Variants in ANKRD36C observed in about 807,000 individuals in gnomAD.
ANKRD36C encodes ankyrin repeat domain 36C.
Under a neutral mutation model 276.4 loss-of-function variants are expected in ANKRD36C, and 61 were observed. That is an observed-to-expected ratio of 0.22 (90% CI 0.18 to 0.27). The LOEUF is 0.27. Among genes scored for constraint, ANKRD36C ranks in the 10% least tolerant of loss-of-function variants. The probability of loss-of-function intolerance (pLI) is 1.00; values close to 1 mark genes in which losing one functional copy is unlikely to be tolerated. For synonymous variants in ANKRD36C, 483 were observed against 680.1 expected (o/e 0.71, Z 4.51); for missense variants, 1,447 against 2,032.3 (o/e 0.71, Z 5.54).
chr2:95,908,103 G>T (rs1435128890), intron 42 of ANKRD36C, among the ~76,000 whole-genome samples: 2 of 150,620 alleles, frequency 1.3e-5, no homozygotes, highest in African/African-American at 2.4e-5. Context: ...TCCTAACAGT[G>T]TCTACGGGTT....
Position 95,986,940 on chromosome 2 carries a change from C to T in ANKRD36C, c.313-16G>A, listed in dbSNP as rs1421084177. The T allele has an allele frequency of 6.2e-7, 1 of 1,612,740 alleles. No individual in the cohort carries two copies. On this transcript the variant is annotated splice_polypyrimidine_tract_variant and intron_variant, in intron 2 of 66. Coordinates refer to ENST00000456556, the Ensembl canonical transcript of ANKRD36C. ...GTTGTACAGCCTGTCAGTATTAGACCGAGAAACATGCAAATATTGAAAAAT... is the reference window on the plus strand; with the variant it reads ...GTTGTACAGCCTGTCAGTATTAGACTGAGAAACATGCAAATATTGAAAAAT...
intron 60 of ANKRD36C, among the ~76,000 whole-genome samples, chr2:95,864,142 A>G (rs1238231663): frequency 1.2e-4 from 18 of 151,980 alleles, no homozygotes; most frequent in African/African-American, 4.1e-4. Flanking sequence ...TCTAAAAATA[A>G]AAGTCTTTAT....
At chr2:95,882,278 A>G (rs1205784942) in intron 56 of ANKRD36C, 24 bp downstream of exon 76, 12 of 1,548,552 alleles carry the variant, frequency 7.7e-6, no homozygotes, top group Non-Finnish European at 1.0e-5. Context: ...TGCACATGAC[A>G]TTAAATGTAT....
At chr2:95,983,656 G>C (rs1678968871) in intron 3 of ANKRD36C, among the ~76,000 whole-genome samples, 1 of 151,468 alleles carries the variant, frequency 6.6e-6, no homozygotes, top group Non-Finnish European at 1.5e-5. Context: ...TGTCGCCCAG[G>C]CTGGAGTGCA....
intron 10 of ANKRD36C, among the ~76,000 whole-genome samples, chr2:95,959,831 T>C (rs971255361): frequency 6.6e-6 from 1 of 152,164 alleles, no homozygotes; most frequent in African/African-American, 2.4e-5. Flanking sequence ...CAGGTGACTG[T>C]GGTTCATCAC....
intron 16 of ANKRD36C, among the ~76,000 whole-genome samples, chr2:95,949,844 C>T (rs112122566): frequency 0.065 from 6,653 of 102,904 alleles, no homozygotes; most frequent in South Asian, 0.11. Flanking sequence ...TTCTATGCAC[C>T]TCTGATTTTG....
intron 3 of ANKRD36C, chr2:95,986,510 T>C (rs1396644575): frequency 2.1e-5 from 10 of 480,804 alleles, no homozygotes; most frequent in Non-Finnish European, 3.1e-5. Context: ...AATTCCAAAT[T>C]TATTGTAATT....
intron 46 of ANKRD36C, among the ~76,000 whole-genome samples, chr2:95,890,865 C>T (rs543949278): frequency 6.6e-6 from 1 of 151,508 alleles, no homozygotes; most frequent in South Asian, 2.1e-4. Flanking sequence ...CCATGTTATT[C>T]TTTAAAGAAG....
At chr2:95,851,251 T>G in intron 66 of ANKRD36C, 56 bp from the exon 87 acceptor site, 2 of 1,206,830 alleles carry the variant, frequency 1.7e-6, no homozygotes, top group Non-Finnish European at 2.4e-6. Flanking sequence ...GACATTATCA[T>G]GTAAACCCAC....
At chr2:95,911,624 A>C (rs1375080140) in intron 42 of ANKRD36C, among the ~76,000 whole-genome samples, 1 of 151,348 alleles carries the variant, frequency 6.6e-6, no homozygotes, top group Admixed American at 6.6e-5. Context: ...ATGCCAATTC[A>C]AACACTGTTT....
intron 48 of ANKRD36C, 36 bp from the exon 69 acceptor site, chr2:95,888,156 T>G: frequency 1.9e-6 from 3 of 1,606,992 alleles, no homozygotes; most frequent in Non-Finnish European, 1.7e-6. Context: ...CACTCATATG[T>G]AAATATGATA....
At chr2:95,950,190 G>A (rs1678161519) in intron 16 of ANKRD36C, among the ~76,000 whole-genome samples, 4 of 152,302 alleles carry the variant, frequency 2.6e-5, no homozygotes. Flanking sequence ...GGACTGGCCT[G>A]GTCTTGCTTA....
At chr2:95,886,982 C>A (rs1177752458) in intron 50 of ANKRD36C, among the ~76,000 whole-genome samples, 1 of 151,494 alleles carries the variant, frequency 6.6e-6, no homozygotes, top group Non-Finnish European at 1.5e-5. Context: ...AAAACTGCTA[C>A]AAGTATTGGA....
chr2:95,929,591 T>A (rs1304058357), intron 24 of ANKRD36C, among the ~76,000 whole-genome samples: 1 of 151,348 alleles, frequency 6.6e-6, no homozygotes, highest in Non-Finnish European at 1.5e-5. Flanking sequence ...AAAATCAGAG[T>A]CCAACTCATA....
At chr2:95,850,683 C>T (rs2950718), downstream of ANKRD36C, among the ~76,000 whole-genome samples, 39 of 152,224 alleles carry the variant, frequency 2.6e-4, no homozygotes, top group South Asian at 1.9e-3. Context: ...ACTTTTCCCA[C>T]GGGCAAAAGT....
intron 26 of ANKRD36C, 47 bp downstream of exon 26, chr2:95,929,025 C>T: frequency 6.3e-7 from 1 of 1,598,632 alleles, no homozygotes; most frequent in Non-Finnish European, 8.5e-7. Context: ...GGGAAGTTCT[C>T]TTCCATCTTG....
At chr2:95,973,184 C>T (rs531254328) in intron 6 of ANKRD36C, among the ~76,000 whole-genome samples, 1 of 151,974 alleles carries the variant, frequency 6.6e-6, no homozygotes, top group Non-Finnish European at 1.5e-5. Flanking sequence ...GAGGCTGGGG[C>T]GGGCGGATCA....
At chr2:95,854,462 G>A (rs947727058) in intron 63 of ANKRD36C, among the ~76,000 whole-genome samples, 17 of 152,028 alleles carry the variant, frequency 1.1e-4, no homozygotes, top group Admixed American at 6.6e-5. Context: ...TCTGAGAATG[G>A]GGATCCAGTG....
chr2:95,918,417 A>G (rs1311249151), intron 34 of ANKRD36C, among the ~76,000 whole-genome samples: 4 of 151,652 alleles, frequency 2.6e-5, no homozygotes, highest in African/African-American at 7.3e-5. Context: ...CATGTCTTTC[A>G]TGCAGGAAAT....
Sources: allele counts gnomAD v4.1 joint callset (sites outside exome capture counted in the v4.1 genomes callset), GRCh38; gene constraint gnomAD v4.1.1; transcripts MANE v1.5; gene names NCBI Gene and HGNC (gene_info 2026-07-23, HGNC 2026-07-21).